Variants in EBF1 observed in about 807,000 individuals in gnomAD.
EBF1 encodes the protein EBF transcription factor 1, also known as transcription factor COE1.
EBF1 carries 10 observed loss-of-function variants against 68.4 expected under a neutral mutation model. The ratio of observed to expected loss-of-function variants is 0.15; its 90% CI spans 0.09 to 0.25. EBF1 has a LOEUF of 0.25. EBF1 is among the 10% of genes least tolerant of loss of function. The probability of loss-of-function intolerance (pLI) is 1.00; values close to 1 mark genes in which losing one functional copy is unlikely to be tolerated. For synonymous variants in EBF1, 298 were observed against 299.8 expected (o/e 0.99, Z 0.06); for missense variants, 509 against 794.4 (o/e 0.64, Z 4.32).
intron 6 of EBF1, among the ~76,000 whole-genome samples, chr5:158,876,818 A>T (rs1797902334): frequency 6.6e-6 from 1 of 152,206 alleles, no homozygotes; most frequent in Admixed American, 6.5e-5. Flanking sequence ...TACAAAGGAA[A>T]TTAAAAAATA....
At chr5:158,806,263 C>T (rs1315181537) in intron 8 of EBF1, among the ~76,000 whole-genome samples, 2 of 152,050 alleles carry the variant, frequency 1.3e-5, no homozygotes, top group Non-Finnish European at 2.9e-5. Flanking sequence ...GTTTCCCAGG[C>T]AAACAAGGTG....
chr5:158,874,830 C>T (rs563085944), intron 6 of EBF1, among the ~76,000 whole-genome samples: 1 of 152,272 alleles, frequency 6.6e-6, no homozygotes, highest in African/African-American at 2.4e-5. Flanking sequence ...AATTCCACTA[C>T]TTAATGCAAA....
chr5:158,706,705 G>A (rs1445447364), intron 15 of EBF1, among the ~76,000 whole-genome samples: 2 of 152,212 alleles, frequency 1.3e-5, no homozygotes, highest in African/African-American at 4.8e-5. Context: ...GACACTGTGG[G>A]AAACTTTGTA....
intron 15 of EBF1, among the ~76,000 whole-genome samples, chr5:158,704,671 T>A (rs1236033387): frequency 6.6e-6 from 1 of 152,082 alleles, no homozygotes; most frequent in Non-Finnish European, 1.5e-5. Context: ...AAGTTAAAGA[T>A]GAAGTAATTC....
At chr5:158,854,727 T>G (rs1055503299) in intron 6 of EBF1, among the ~76,000 whole-genome samples, 1 of 152,198 alleles carries the variant, frequency 6.6e-6, no homozygotes. Flanking sequence ...TTTGGAACTC[T>G]CTGTATGAAA....
intron 6 of EBF1, among the ~76,000 whole-genome samples, chr5:158,980,369 A>G (rs1757659434): frequency 6.6e-6 from 1 of 152,156 alleles, no homozygotes; most frequent in Non-Finnish European, 1.5e-5. Flanking sequence ...GCTCTCTATC[A>G]AAATCTGCCA....
At position 159,003,922 on chromosome 5, in the gene EBF1, A is replaced by C. The variant is rs115093530; in HGVS notation, c.554+69474T>G. ...CTGACTGCAAAGCCAGAACTGTGAG[A>C]CACTAAAATGTTGGGAGAATTTCTA... is the stretch of plus-strand genomic sequence containing the variant. On this transcript the variant is annotated intron_variant, in intron 6 of 15. Coordinates refer to ENST00000313708, the MANE Select transcript of EBF1 (RefSeq NM_024007.5). Among the ~76,000 whole-genome samples, 551 of 152,320 alleles carry C rather than the reference A, an allele frequency of 3.6e-3. 3 individuals are homozygous for C. Among genetic ancestry groups the C allele is most frequent in the African/African-American group, 0.012 (504 of 41,572 alleles).
chr5:158,705,004 GTCTT>G, intron 15 of EBF1, among the ~76,000 whole-genome samples: 1 of 152,166 alleles, frequency 6.6e-6, no homozygotes, highest in African/African-American at 2.4e-5. Flanking sequence ...CTTTCTTTCT[GTCTT>G]TCTTTTTGAA....
intron 6 of EBF1, among the ~76,000 whole-genome samples, chr5:158,909,257 T>TGGTGGTGC (rs1805360826): frequency 6.6e-6 from 1 of 152,182 alleles, no homozygotes; most frequent in African/African-American, 2.4e-5. Context: ...CAGGTTAGGA[T>TGGTGGTGC]GGTGGTGCTG....
chr5:158,727,240 G>T (rs559616377), intron 11 of EBF1, among the ~76,000 whole-genome samples: 3 of 152,256 alleles, frequency 2.0e-5, no homozygotes, highest in South Asian at 2.1e-4. Context: ...CAGCTGACAC[G>T]CCTGACGCCA....
Position 159,063,159 on chromosome 5 carries a change from G to T in EBF1, c.554+10237C>A, listed in dbSNP as rs530122102. 2.0e-5 allele frequency among the ~76,000 whole-genome samples: 3 copies of T among 152,298 alleles called. No homozygotes were observed. In the South Asian group the frequency reaches 6.2e-4, roughly 32 times the overall value. On this transcript the variant is annotated intron_variant, in intron 6 of 15. Transcript: ENST00000313708. Reference sequence around the variant, plus strand: ...CTAGTACACAGGAGGGAGGCACTGTGCTCAACGTAGTCACTGCCCTCTTAG... The same window carrying T: ...CTAGTACACAGGAGGGAGGCACTGTTCTCAACGTAGTCACTGCCCTCTTAG...
At chr5:158,721,952 T>C (rs1347820259) in intron 11 of EBF1, among the ~76,000 whole-genome samples, 3 of 151,872 alleles carry the variant, frequency 2.0e-5, no homozygotes, top group African/African-American at 7.3e-5. Flanking sequence ...AATGGTGTCA[T>C]GGTAATTGGT....
intron 6 of EBF1, among the ~76,000 whole-genome samples, chr5:158,900,799 A>C (rs1403805002): frequency 6.6e-6 from 1 of 152,228 alleles, no homozygotes. Flanking sequence ...AAGTCTACCC[A>C]TTCTACAGAA....
At chr5:158,809,398 G>GAAATTTCTGTTCAGTTTGGCTAAAAT in intron 8 of EBF1, among the ~76,000 whole-genome samples, 1 of 152,046 alleles carries the variant, frequency 6.6e-6, no homozygotes, top group Non-Finnish European at 1.5e-5. Flanking sequence ...GTGTTTATCT[G>GAAATTTCTGTTCAGTTTGGCTAAAAT]AAATTTCTGT....
At chr5:158,746,108 G>A (rs1350536799) in intron 10 of EBF1, among the ~76,000 whole-genome samples, 1 of 152,148 alleles carries the variant, frequency 6.6e-6, no homozygotes, top group African/African-American at 2.4e-5. Flanking sequence ...TAATATTTCT[G>A]TTTAGCTTGT....
intron 6 of EBF1, among the ~76,000 whole-genome samples, chr5:159,014,199 A>C (rs953567607): frequency 2.0e-5 from 3 of 152,240 alleles, no homozygotes; most frequent in African/African-American, 7.2e-5. Flanking sequence ...AGCCTGACAG[A>C]AAAATAGATA....
chr5:158,808,623 A>G (rs1300142750), intron 8 of EBF1, among the ~76,000 whole-genome samples: 1 of 152,148 alleles, frequency 6.6e-6, no homozygotes, highest in Non-Finnish European at 1.5e-5. Flanking sequence ...AATAATTATA[A>G]GACAGCCCAC....
intron 7 of EBF1, among the ~76,000 whole-genome samples, chr5:158,823,625 T>A (rs1165636168): frequency 6.6e-6 from 1 of 152,224 alleles, no homozygotes; most frequent in Non-Finnish European, 1.5e-5. Flanking sequence ...CAAGGGTGGT[T>A]GTGTTTCACC....
At chr5:158,760,987 G>A (rs897145385) in intron 10 of EBF1, among the ~76,000 whole-genome samples, 3 of 152,082 alleles carry the variant, frequency 2.0e-5, no homozygotes, top group South Asian at 2.1e-4. Context: ...TTTAAAGCAC[G>A]TCATAATCAA....
Sources: allele counts gnomAD v4.1 joint callset (sites outside exome capture counted in the v4.1 genomes callset), GRCh38; gene constraint gnomAD v4.1.1; transcripts MANE v1.5; gene names NCBI Gene and HGNC (gene_info 2026-07-23, HGNC 2026-07-21).